The following ZNF90 variants were observed in gnomAD, a reference collection of about 807,000 sequenced individuals.
ZNF90 encodes zinc finger protein 90.
Under a neutral mutation model 12.0 loss-of-function variants are expected in ZNF90, and 11 were observed. That is an observed-to-expected ratio of 0.92 (90% CI 0.58 to 1.52). ZNF90 has a LOEUF of 1.52. Ranked by LOEUF, ZNF90 falls within the 40% of genes most tolerant of loss-of-function variation. The pLI, the probability that ZNF90 is intolerant of heterozygous loss-of-function variation, is 0.00. For missense variants in ZNF90, 765 were observed against 711.5 expected, an observed-to-expected ratio of 1.08 and a Z score of -0.86; for synonymous variants, 232 against 240.1, an observed-to-expected ratio of 0.97 and a Z score of 0.31.
intron 1 of ZNF90, among the ~76,000 whole-genome samples, chr19:20,083,043 G>A (rs1309612114): frequency 6.6e-6 from 1 of 152,104 alleles, no homozygotes; most frequent in Non-Finnish European, 1.5e-5. Flanking sequence ...ATTTCTTCAC[G>A]TTTTCCTGCT....
chr19:20,102,176 C>T (rs1354103163), intron 1 of ZNF90, among the ~76,000 whole-genome samples: 1 of 152,154 alleles, frequency 6.6e-6, no homozygotes, highest in Non-Finnish European at 1.5e-5. Context: ...GTTCATCTTT[C>T]CTGTTCTTTG....
chr19:20,117,323 C>T (rs2089146844), intron 3 of ZNF90, among the ~76,000 whole-genome samples: 1 of 152,156 alleles, frequency 6.6e-6, no homozygotes, highest in Admixed American at 6.6e-5. Context: ...GGATTAAAGG[C>T]ATGAGCCTGG....
intron 1 of ZNF90, among the ~76,000 whole-genome samples, chr19:20,092,322 C>T (rs10409064): frequency 0.016 from 2,448 of 152,230 alleles, 72 homozygotes; most frequent in African/African-American, 0.056. Context: ...GCAGCAGCAG[C>T]GGCTGCACGG....
intron 3 of ZNF90, among the ~76,000 whole-genome samples, chr19:20,110,509 G>GC (rs1328762474): frequency 6.6e-6 from 1 of 152,004 alleles, no homozygotes; most frequent in Admixed American, 6.6e-5. Flanking sequence ...CAGGTGATCT[G>GC]CCCCCTCAGC....
chr19:20,105,896 C>T (rs1044022204), intron 3 of ZNF90, among the ~76,000 whole-genome samples: 1 of 151,952 alleles, frequency 6.6e-6, no homozygotes, highest in Non-Finnish European at 1.5e-5. Flanking sequence ...TTTTCCATTT[C>T]TGTGAAAAAG....
rs113483110 is a variant in ZNF90 at position 20,104,221 on chromosome 19, T to C, written c.4-18T>C. On this transcript the variant is annotated intron_variant, in intron 1 of 3. Transcript: ENST00000418063. The stretch of plus-strand genomic sequence containing the variant: ...ACCACTTGGTAAAAATGTGTGTGTG[T>C]ATATGTGTGTTTTTCAGGGACCATT... The C allele has an allele frequency of 5.0e-3, 8,136 of 1,613,290 alleles. 34 individuals are homozygous for C. Among genetic ancestry groups the C allele is most frequent in the Non-Finnish European group, 6.0e-3 (7,027 of 1,179,504 alleles).
At chr19:20,116,979 TAAAA>T (rs35276420) in intron 3 of ZNF90, among the ~76,000 whole-genome samples, 7 of 135,258 alleles carry the variant, frequency 5.2e-5, no homozygotes, top group Admixed American at 4.4e-4. Context: ...TGTTTTTCTT[TAAAA>T]AAAAAAAAAA....
At chr19:20,102,581 GT>G (rs1424372899) in intron 1 of ZNF90, among the ~76,000 whole-genome samples, 3 of 152,144 alleles carry the variant, frequency 2.0e-5, no homozygotes, top group African/African-American at 7.2e-5. Context: ...TTGCTGAGAT[GT>G]TCTCTTTTTG....
intron 1 of ZNF90, among the ~76,000 whole-genome samples, chr19:20,089,028 C>T (rs892598370): frequency 3.3e-5 from 5 of 152,000 alleles, no homozygotes; most frequent in Non-Finnish European, 7.4e-5. Flanking sequence ...GTAGAGGATC[C>T]ACAGAGGAAG....
At chr19:20,116,541 G>GC (rs1555705678) in intron 3 of ZNF90, among the ~76,000 whole-genome samples, 2 of 152,166 alleles carry the variant, frequency 1.3e-5, no homozygotes, top group East Asian at 1.9e-4. Flanking sequence ...TTTTCATTGG[G>GC]CCATGTTTCT....
At chr19:20,080,294 A>G in intron 1 of ZNF90, 1 of 559,748 alleles carries the variant, frequency 1.8e-6, no homozygotes, top group South Asian at 1.5e-5. Context: ...GATGTATTGT[A>G]GACAACATGG....
At chr19:20,088,960 G>T (rs1245737182) in intron 1 of ZNF90, among the ~76,000 whole-genome samples, 3 of 152,136 alleles carry the variant, frequency 2.0e-5, no homozygotes, top group Admixed American at 6.5e-5. Flanking sequence ...ATTGAATTTT[G>T]GGGGTAAGGA....
rs147629913 is a variant in ZNF90 at position 20,099,586 on chromosome 19, A to G, written c.4-4653A>G. Reference sequence around the variant, plus strand: ...TAGCCTTACTCTTTTGTCTTGGACAACTGTCCTCCAGATCTGTCACTATCT... The same window carrying G: ...TAGCCTTACTCTTTTGTCTTGGACAGCTGTCCTCCAGATCTGTCACTATCT... On this transcript the variant is annotated intron_variant, in intron 1 of 3. Coordinates refer to ENST00000418063, the MANE Select transcript of ZNF90 (RefSeq NM_007138.2). 1.4e-4 allele frequency among the ~76,000 whole-genome samples: 21 copies of G among 152,240 alleles called. No individual in the cohort carries two copies. The East Asian group carries it at 4.1e-3, about 29-fold the overall frequency.
intron 1 of ZNF90, among the ~76,000 whole-genome samples, chr19:20,092,977 C>T (rs2088914383): frequency 6.6e-6 from 1 of 152,018 alleles, no homozygotes; most frequent in African/African-American, 2.4e-5. Flanking sequence ...GAGGGCTGTC[C>T]CTGAAACCCT....
intron 3 of ZNF90, among the ~76,000 whole-genome samples, chr19:20,105,808 TTCTGC>T (rs1466081426): frequency 6.6e-6 from 1 of 152,182 alleles, no homozygotes; most frequent in Non-Finnish European, 1.5e-5. Context: ...TATGATATAC[TTCTGC>T]TCTGTTCTTT....
chr19:20,088,271 G>T (rs2088875981), intron 1 of ZNF90, among the ~76,000 whole-genome samples: 2 of 151,980 alleles, frequency 1.3e-5, no homozygotes, highest in African/African-American at 2.4e-5. Context: ...GGATTGGGGG[G>T]GCGTGGGAAC....
At chr19:20,115,417 G>GTTT (rs34059055) in intron 3 of ZNF90, among the ~76,000 whole-genome samples, 51 of 134,016 alleles carry the variant, frequency 3.8e-4, no homozygotes, top group African/African-American at 1.3e-3. Flanking sequence ...TTTCCTTTCT[G>GTTT]TTTTTTTTTT....
intron 3 of ZNF90, chr19:20,117,479 C>G (rs185181686): frequency 1.5e-4 from 45 of 298,828 alleles, no homozygotes; most frequent in Non-Finnish European, 3.8e-5. Context: ...GCTCTGCTGC[C>G]CAGGGTGGAG....
chr19:20,117,377 CCTTT>C lies in ZNF90; in HGVS notation c.227-399_227-396del, dbSNP rs1363267506. Among the ~76,000 whole-genome samples, 9 of 141,116 alleles carry C rather than the reference CCTTT, an allele frequency of 6.4e-5. No homozygotes were observed. In the East Asian group the frequency reaches 2.0e-3, roughly 31 times the overall value. The allele number at this position is 141,116 out of a possible 152,430, so 92.6% of individuals were successfully genotyped here. On this transcript the variant is annotated intron_variant, in intron 3 of 3. Coordinates refer to ENST00000418063, the MANE Select transcript of ZNF90 (RefSeq NM_007138.2). The stretch of plus-strand genomic sequence containing the variant: ...TTGTTTCGTTTCTTTTCTTTTTTTT[CCTTT>C]CTTTTCTTTTCTTTTCTCCTTCCTT...
Sources: gnomAD v4.1 joint callset for allele counts (sites outside exome capture counted in the v4.1 genomes callset) on GRCh38, gnomAD v4.1.1 for gene constraint, MANE v1.5 for transcripts, NCBI Gene and HGNC (gene_info 2026-07-23, HGNC 2026-07-21) for gene names.